KIF4A: variants seen among roughly 807,000 people sequenced by gnomAD.
KIF4A encodes kinesin family member 4A.
A neutral mutation model predicts 105.9 loss-of-function variants in KIF4A; 7 were observed. The ratio of observed to expected loss-of-function variants is 0.07; its 90% CI spans 0.04 to 0.12. KIF4A has a LOEUF of 0.12. Ranked by LOEUF, KIF4A falls within the 10% of genes least tolerant of loss-of-function variation. The probability of loss-of-function intolerance (pLI) is 1.00; values close to 1 mark genes in which losing one functional copy is unlikely to be tolerated. For synonymous variants in KIF4A, 281 were observed against 331.3 expected (o/e 0.85, Z 1.65); for missense variants, 558 against 929.2 (o/e 0.60, Z 5.19).
At chrX:70,319,311 C>T (rs1275505554) in intron 7 of KIF4A, among the ~76,000 whole-genome samples, 3 of 111,611 alleles carry the variant, frequency 2.7e-5, no homozygotes, top group Admixed American at 9.5e-5. Context: ...AAGATCTTAA[C>T]GATATTTTTT....
chrX:70,336,236 A>G lies in KIF4A; in HGVS notation c.1133+2547A>G, dbSNP rs777972581. Among the ~76,000 whole-genome samples, 9 of 111,924 alleles carry G rather than the reference A, an allele frequency of 8.0e-5. No homozygotes were observed. The South Asian group carries it at 3.0e-3, about 37-fold the overall frequency. ...CTTTTATTGTGGACATGTGCCATAC[A>G]TATCAATTCACCCCCCTTCCTATGT... On this transcript the variant is annotated intron_variant, in intron 10 of 30. Transcript: ENST00000374403.
At chrX:70,349,934 C>T (rs1458925243) in intron 13 of KIF4A, among the ~76,000 whole-genome samples, 5 of 100,656 alleles carry the variant, frequency 5.0e-5, no homozygotes, top group African/African-American at 7.4e-5. Context: ...GACGGGGTGG[C>T]GGCCGGGCAG....
At position 70,301,904 on chromosome X, in the gene KIF4A, T is replaced by G; in HGVS notation, c.521T>G (p.Val174Gly). The change falls in exon 6 of 31, where the codon GTG (valine) becomes GGG (glycine). Residue 174 changes from valine to glycine, a missense_variant. This residue lies in a region of KIF4A where 89 missense variants were observed against 248.8 expected (regional missense o/e 0.36). Coordinates refer to ENST00000374403, the MANE Select transcript of KIF4A (RefSeq NM_012310.5). ...REDPKEGIKI[V>G]GLTEKTVLVA... ...TTTTCTCTTTCTTGCAATTAGATTG[T>G]GGGACTCACTGAGAAGACTGTTTTG... is the stretch of plus-strand genomic sequence containing the variant. 1 of 1,209,310 alleles carries G rather than the reference T, an allele frequency of 8.3e-7. No homozygotes were observed. Among genetic ancestry groups the G allele is most frequent in the Non-Finnish European group, 1.1e-6 (1 of 894,008 alleles).
At chrX:70,390,657 C>G (rs139957902) in intron 20 of KIF4A, among the ~76,000 whole-genome samples, 196 of 111,093 alleles carry the variant, frequency 1.8e-3, no homozygotes, top group Middle Eastern at 0.014. Flanking sequence ...TAAAATAAAC[C>G]CTTTTGTTGT....
chrX:70,352,877 A>G (rs1329548964), intron 14 of KIF4A, among the ~76,000 whole-genome samples: 1 of 112,016 alleles, frequency 8.9e-6, no homozygotes, highest in Non-Finnish European at 1.9e-5. Context: ...GGACTTCTCA[A>G]GAATGTAATG....
intron 13 of KIF4A, among the ~76,000 whole-genome samples, chrX:70,347,374 T>A (rs2085997280): frequency 8.9e-6 from 1 of 112,347 alleles, no homozygotes; most frequent in Admixed American, 9.4e-5. Flanking sequence ...ACATTTAGGA[T>A]TATAGAGGCA....
chrX:70,386,669 C>A lies in KIF4A; in HGVS notation c.2086C>A (p.Gln696Lys). 2 of 1,207,512 alleles carry A rather than the reference C, an allele frequency of 1.7e-6. No individual in the cohort carries two copies. Among genetic ancestry groups the A allele is most frequent in the Non-Finnish European group, 2.2e-6 (2 of 891,685 alleles). The change falls in exon 19 of 31, where the codon CAA becomes AAA. Residue 696 changes from glutamine to lysine, a missense_variant. Physicochemically the swap from Gln to Lys is moderately conservative, Grantham distance 53. Transcript: ENST00000374403. ...LLKLERNFQK[Q>K]SNVLRRKTEE... Reference sequence around the variant, plus strand: ...GAAACTTGAAAGAAACTTCCAGAAACAATCCAATGTGCTCAGACGTAAAAC... The same window carrying A: ...GAAACTTGAAAGAAACTTCCAGAAAAAATCCAATGTGCTCAGACGTAAAAC...
At chrX:70,393,799 CTCTTTCTTTCTTTCTTTCTTTCTT>C (rs1226256913) in intron 20 of KIF4A, among the ~76,000 whole-genome samples, 21 of 58,552 alleles carry the variant, frequency 3.6e-4, no homozygotes, top group African/African-American at 1.4e-3. Context: ...CTTTTCTTTT[CTCTTTCTTTCTTTCTTTCTTTCTT>C]TCTTTCTTTC....
chrX:70,334,103 G>T (rs1280595254), intron 10 of KIF4A, among the ~76,000 whole-genome samples: 2 of 111,375 alleles, frequency 1.8e-5, no homozygotes, highest in East Asian at 5.6e-4. Flanking sequence ...TCTACAAGAG[G>T]TTCCAAACTC....
At chrX:70,306,998 AT>A (rs1414033417) in intron 7 of KIF4A, among the ~76,000 whole-genome samples, 1 of 103,595 alleles carries the variant, frequency 9.7e-6, no homozygotes, top group Non-Finnish European at 2.0e-5. Flanking sequence ...TTGATTTTTA[AT>A]TTTTTTTTGT....
chrX:70,379,490 G>GA (rs1217400459), intron 18 of KIF4A, among the ~76,000 whole-genome samples: 8 of 111,714 alleles, frequency 7.2e-5, no homozygotes, highest in Admixed American at 4.8e-4. Context: ...AACATTTTAA[G>GA]AAAAAATACC....
intron 21 of KIF4A, 49 bp from the exon 22 acceptor site, chrX:70,395,900 G>A (rs954466642): frequency 1.7e-6 from 2 of 1,193,119 alleles, no homozygotes; most frequent in African/African-American, 3.5e-5. Flanking sequence ...AGCTTTGGAG[G>A]ATTACTTTCC....
At chrX:70,376,303 T>C (rs1229971428) in intron 18 of KIF4A, 93 bp downstream of exon 18, 7 of 484,234 alleles carry the variant, frequency 1.4e-5, no homozygotes, top group Non-Finnish European at 2.1e-5. Flanking sequence ...ACCTCGTGTC[T>C]CCAAAAGTGT....
chrX:70,307,480 G>A (rs989819371), intron 7 of KIF4A, among the ~76,000 whole-genome samples: 11 of 111,466 alleles, frequency 9.9e-5, no homozygotes, highest in African/African-American at 2.3e-4. Context: ...GACTAGAAGC[G>A]CCAGTATAAT....
intron 13 of KIF4A, among the ~76,000 whole-genome samples, chrX:70,350,476 CGGGAGA>C (rs1315196143): frequency 1.3e-4 from 12 of 95,720 alleles, no homozygotes; most frequent in African/African-American, 1.7e-4. Context: ...CAGAGGGAGA[CGGGAGA>C]GGGAGAGGGA....
intron 15 of KIF4A, among the ~76,000 whole-genome samples, chrX:70,363,418 C>G (rs139425337): frequency 9.1e-6 from 1 of 109,987 alleles, no homozygotes; most frequent in South Asian, 4.0e-4. Flanking sequence ...CAACAGGCCC[C>G]GGTGTGTGAT....
At chrX:70,290,365 C>T (rs1043609643) in intron 1 of KIF4A, 73 bp from the exon 2 acceptor site, 8 of 1,114,796 alleles carry the variant, frequency 7.2e-6, no homozygotes, top group Admixed American at 2.5e-5. Context: ...AGGGTCGGAA[C>T]CGGGGAGGAC....
chrX:70,386,758 T>A (rs1409647123), intron 19 of KIF4A, 57 bp downstream of exon 19: 2 of 872,317 alleles, frequency 2.3e-6, no homozygotes, highest in Non-Finnish European at 3.4e-6. Context: ...TTTAAATGCT[T>A]GCAAAGTAAT....
chrX:70,365,440 T>G (rs1326724320), intron 15 of KIF4A, among the ~76,000 whole-genome samples: 1 of 111,506 alleles, frequency 9.0e-6, no homozygotes, highest in African/African-American at 3.3e-5. Flanking sequence ...TTAATGAGAG[T>G]TTTTAGCATG....
Sources: allele counts gnomAD v4.1 joint callset (sites outside exome capture counted in the v4.1 genomes callset), GRCh38; gene constraint gnomAD v4.1.1; regional missense constraint gnomAD v4.1.1; transcripts MANE v1.5; gene names NCBI Gene and HGNC (gene_info 2026-07-23, HGNC 2026-07-21).